Variants in PCM1 observed in about 807,000 individuals in gnomAD.
PCM1 encodes pericentriolar material 1 protein.
PCM1 carries 157 observed loss-of-function variants against 241.9 expected under a neutral mutation model. That is an observed-to-expected ratio of 0.65 (90% confidence interval 0.57 to 0.74). The LOEUF is 0.74. PCM1 is among the 30% of genes least tolerant of loss of function. The pLI is 0.00. For missense variants in PCM1, 3,478 were observed against 2,360.1 expected (o/e 1.47, Z -9.81); for synonymous variants, 1,085 against 784.9 (o/e 1.38, Z -6.39).
intron 30 of PCM1, among the ~76,000 whole-genome samples, chr8:18,007,462 T>A (rs936233999): frequency 2.0e-5 from 3 of 152,174 alleles, no homozygotes; most frequent in African/African-American, 7.2e-5. Flanking sequence ...GAAACTCCAT[T>A]TTAGAATAAG....
chr8:17,993,768 T>C, intron 29 of PCM1, 149 bp downstream of exon 29: 2 of 570,372 alleles, frequency 3.5e-6, no homozygotes, highest in African/African-American at 1.9e-5. Flanking sequence ...ACCAACATTC[T>C]CTGAACCTTT....
chr8:17,962,977 G>A (rs1586971516), intron 16 of PCM1, 124 bp from the exon 17 acceptor site: 2 of 637,644 alleles, frequency 3.1e-6, no homozygotes, highest in African/African-American at 1.9e-5. Context: ...GGACATGTTA[G>A]TGTGAAAAGG....
chr8:18,017,060 C>T (rs2093292232), intron 36 of PCM1, among the ~76,000 whole-genome samples: 2 of 152,160 alleles, frequency 1.3e-5, no homozygotes, highest in Non-Finnish European at 2.9e-5. Flanking sequence ...TGGATGACTA[C>T]GGCAGGATGG....
intron 11 of PCM1, among the ~76,000 whole-genome samples, 163 bp from the exon 12 acceptor site, chr8:17,957,101 C>T (rs776547633): frequency 3.3e-5 from 5 of 152,122 alleles, no homozygotes; most frequent in African/African-American, 4.8e-5. Context: ...AGCACATATG[C>T]AGAAGTTAAT....
At chr8:17,923,982 G>A (rs1247899288) in intron 1 of PCM1, among the ~76,000 whole-genome samples, 1 of 144,922 alleles carries the variant, frequency 6.9e-6, no homozygotes, top group Non-Finnish European at 1.5e-5. Flanking sequence ...GAACTCGCCT[G>A]GTTTAATTTT....
intron 8 of PCM1, 29 bp downstream of exon 8, chr8:17,950,753 T>C (rs202013319): frequency 1.4e-4 from 172 of 1,227,112 alleles, no homozygotes; most frequent in Non-Finnish European, 1.9e-4. Context: ...TATAGTTGAG[T>C]TTAAAAAATC....
At chr8:18,012,576 C>T (rs2092665346) in intron 34 of PCM1, among the ~76,000 whole-genome samples, 1 of 152,084 alleles carries the variant, frequency 6.6e-6, no homozygotes, top group Non-Finnish European at 1.5e-5. Flanking sequence ...CCTCCCTGGT[C>T]TAGATCTTTT....
At position 17,966,585 on chromosome 8, in the gene PCM1, C is replaced by T. The variant is rs939434249; in HGVS notation, c.3221+112C>T. On this transcript the variant is annotated intron_variant, in intron 20 of 38. Coordinates refer to ENST00000325083, the MANE Select transcript of PCM1 (RefSeq NM_006197.4). ...AGACCAAATTGCATATTTGGACATT[C>T]TCTTTCCCTTGAGAATTTTATAAGT... is the stretch of plus-strand genomic sequence containing the variant. The T allele has an allele frequency of 3.5e-6, 3 of 853,358 alleles. No homozygotes were observed. The African/African-American group carries it at 5.1e-5, about 14-fold the overall frequency. 52.9% of individuals were successfully genotyped at this position (853,358 alleles called of 1,614,324 possible).
intron 2 of PCM1, among the ~76,000 whole-genome samples, chr8:17,935,211 A>G (rs904066062): frequency 1.3e-5 from 2 of 152,232 alleles, no homozygotes; most frequent in African/African-American, 4.8e-5. Flanking sequence ...TCCCAAGTCC[A>G]TTGTCAGAAC....
At chr8:18,014,060 G>A (rs770437119) in intron 35 of PCM1, 24 bp downstream of exon 35, 14 of 1,177,084 alleles carry the variant, frequency 1.2e-5, no homozygotes, top group Admixed American at 4.9e-5. Flanking sequence ...ATAAGTCTTT[G>A]ATTTTAAGAT....
chr8:17,966,963 G>T lies in PCM1; in HGVS notation c.3222-17G>T. The T allele has an allele frequency of 6.3e-7, 1 of 1,583,162 alleles. No homozygotes were observed. ...CAATATAACTGATTCTTAGATTACT[G>T]ACTTAAATCTTTGTAGGTTGAAACA... On this transcript the variant is annotated splice_polypyrimidine_tract_variant and intron_variant, in intron 20 of 38. Transcript: ENST00000325083.
intron 26 of PCM1, among the ~76,000 whole-genome samples, chr8:17,987,589 A>G (rs899575983): frequency 1.3e-5 from 2 of 151,932 alleles, no homozygotes; most frequent in Admixed American, 6.6e-5. Flanking sequence ...TAGTAATTGT[A>G]TTTAGTATTA....
chr8:18,008,869 A>G (rs1297167306), intron 30 of PCM1, among the ~76,000 whole-genome samples: 9 of 152,160 alleles, frequency 5.9e-5, no homozygotes, highest in African/African-American at 1.9e-4. Flanking sequence ...TTGTCTAAGA[A>G]GAAGAAATCA....
intron 38 of PCM1, among the ~76,000 whole-genome samples, chr8:18,026,874 A>G (rs2094262598): frequency 6.6e-6 from 1 of 152,110 alleles, no homozygotes; most frequent in Admixed American, 6.5e-5. Context: ...TACTAAGGCT[A>G]TTATATACGC....
At chr8:18,024,665 A>C (rs970206484) in intron 36 of PCM1, among the ~76,000 whole-genome samples, 1 of 152,188 alleles carries the variant, frequency 6.6e-6, no homozygotes, top group Non-Finnish European at 1.5e-5. Flanking sequence ...TTGTGCAAGG[A>C]AGTGAAATGG....
Position 18,027,938 on chromosome 8 carries a change from TGTA to T in PCM1, c.*279_*281del. 2.9e-6 allele frequency: 1 copy of T among 349,898 alleles called. No homozygotes were observed. The allele number at this position is 349,898 out of a possible 1,614,324, so 21.7% of individuals were successfully genotyped here. On this transcript the variant is annotated 3_prime_UTR_variant, in exon 39 of 39. Coordinates refer to ENST00000325083, the MANE Select transcript of PCM1 (RefSeq NM_006197.4). ...GTGATGTTTGGTAACGAATTTAAAA[TGTA>T]GTTTTAAATAAAGTTTGGACTTATC...
rs747886468 is a variant in PCM1 at position 18,013,958 on chromosome 8, T to C, written c.5512-6T>C. The C allele has an allele frequency of 1.9e-6, 3 of 1,583,882 alleles. No homozygotes were observed. The highest frequency in any genetic ancestry group is 2.6e-6 in the Non-Finnish European group (3 of 1,159,790). ...GCCCTGCTATTAAAACATTTTTCCC[T>C]TCTAGGTCCTACAACGTGACTTTAA... On this transcript the variant is annotated splice_polypyrimidine_tract_variant and splice_region_variant and intron_variant, in intron 34 of 38. Coordinates refer to ENST00000325083, the MANE Select transcript of PCM1 (RefSeq NM_006197.4).
At chr8:17,941,867 C>CT (rs59800949) in intron 6 of PCM1, among the ~76,000 whole-genome samples, 37,289 of 151,948 alleles carry the variant, frequency 0.25, 5,861 homozygotes, top group African/African-American at 0.45. Flanking sequence ...TGGGAAGTCT[C>CT]TAAATGAGCA....
chr8:17,935,389 A>T (rs1007794987), intron 2 of PCM1, among the ~76,000 whole-genome samples, 200 bp from the exon 3 acceptor site: 7 of 152,188 alleles, frequency 4.6e-5, no homozygotes, highest in Admixed American at 2.0e-4. Flanking sequence ...CTTCTCTGTC[A>T]TTCCAACTAC....
Sources: allele counts gnomAD v4.1 joint callset (sites outside exome capture counted in the v4.1 genomes callset), GRCh38; gene constraint gnomAD v4.1.1; transcripts MANE v1.5; gene names NCBI Gene and HGNC (gene_info 2026-07-23, HGNC 2026-07-21).